ZNF280D: variants seen among roughly 807,000 people sequenced by gnomAD.
The protein encoded by ZNF280D is zinc finger protein 280D.
Under a neutral mutation model 94.7 loss-of-function variants are expected in ZNF280D, and 39 were observed. That is an observed-to-expected ratio of 0.41 (90% CI 0.32 to 0.54). ZNF280D has a LOEUF of 0.54. Among genes scored for constraint, ZNF280D ranks in the 20% least tolerant of loss-of-function variants. The probability of loss-of-function intolerance (pLI) is 0.22; values close to 1 mark genes in which losing one functional copy is unlikely to be tolerated. For synonymous variants in ZNF280D, 398 were observed against 377.6 expected (o/e 1.05, Z -0.63); for missense variants, 1,090 against 1,149.3 (o/e 0.95, Z 0.75).
intron 20 of ZNF280D, among the ~76,000 whole-genome samples, chr15:56,640,075 A>G (rs2052554054): frequency 6.6e-6 from 1 of 152,158 alleles, no homozygotes; most frequent in African/African-American, 2.4e-5. Flanking sequence ...TAAACAAACG[A>G]GTAAAAAAGA....
chr15:56,675,551 A>G (rs1401606555), intron 13 of ZNF280D, among the ~76,000 whole-genome samples: 1 of 151,924 alleles, frequency 6.6e-6, no homozygotes, highest in African/African-American at 2.4e-5. Context: ...GACTTGAGAG[A>G]TTTACAGGTA....
At chr15:56,711,331 C>T (rs1353923697) in intron 1 of ZNF280D, among the ~76,000 whole-genome samples, 2 of 152,110 alleles carry the variant, frequency 1.3e-5, no homozygotes, top group Admixed American at 6.6e-5. Context: ...AACCACTCAA[C>T]GATGTTTAAC....
chr15:56,648,530 T>A (rs969494152), intron 19 of ZNF280D, among the ~76,000 whole-genome samples: 2 of 151,982 alleles, frequency 1.3e-5, no homozygotes, highest in African/African-American at 4.8e-5. Flanking sequence ...TAGAGGATAC[T>A]ACTGAGTAGT....
intron 3 of ZNF280D, among the ~76,000 whole-genome samples, chr15:56,705,722 A>T (rs2057362248): frequency 6.6e-6 from 1 of 152,140 alleles, no homozygotes; most frequent in Non-Finnish European, 1.5e-5. Context: ...CTGATAATCA[A>T]TATCATGCAA....
At chr15:56,676,625 T>A in intron 13 of ZNF280D, 45 bp downstream of exon 13, 1 of 1,512,032 alleles carries the variant, frequency 6.6e-7, no homozygotes, top group Non-Finnish European at 8.9e-7. Context: ...ATCAGTTTTT[T>A]CACTAAGACA....
At chr15:56,662,392 C>T (rs1314686131) in intron 16 of ZNF280D, among the ~76,000 whole-genome samples, 1 of 152,172 alleles carries the variant, frequency 6.6e-6, no homozygotes, top group African/African-American at 2.4e-5. Context: ...ACACCTTCTT[C>T]TGAGATTTTA....
At position 56,707,095 on chromosome 15, in the gene ZNF280D, AG is replaced by A. The variant is rs1361436839; in HGVS notation, c.14del (p.Pro5LeufsTer29). 2 of 1,613,894 alleles carry A rather than the reference AG, an allele frequency of 1.2e-6. No homozygotes were observed. The highest frequency in any genetic ancestry group is 1.7e-5 in the Admixed American group (1 of 60,026). The stretch of plus-strand genomic sequence containing the variant: ...AGCAACACTTACTTTTTGGTTGAAA[AG>A]GGTTGTCGCCCATCAAGCTGCAGAG... Reference protein sequence around the residue: MGDNPFQPKSNSKMA... With the variant: MGDNXFQPKSNSKMA... On this transcript the variant is annotated frameshift_variant, in exon 3 of 22. Coordinates refer to ENST00000267807, the MANE Select transcript of ZNF280D (RefSeq NM_017661.4). LOFTEE classifies it high-confidence loss of function.
intron 20 of ZNF280D, among the ~76,000 whole-genome samples, chr15:56,641,159 A>C (rs1371800862): frequency 6.6e-6 from 1 of 151,912 alleles, no homozygotes; most frequent in Non-Finnish European, 1.5e-5. Context: ...TTTTTCATTT[A>C]TTTTAAAATT....
chr15:56,691,191 C>A lies in ZNF280D; in HGVS notation c.500-1721G>T, dbSNP rs540094733. ...GGGGAAAAATATAATAATAGATTAA[C>A]CTGTCAGCTTTTTAATAAGGGCAAA... On this transcript the variant is annotated intron_variant, in intron 7 of 21. Coordinates refer to ENST00000267807, the MANE Select transcript of ZNF280D (RefSeq NM_017661.4). Among the ~76,000 whole-genome samples, 3 of 152,138 alleles carry A rather than the reference C, an allele frequency of 2.0e-5. No homozygotes were observed. In the South Asian group the frequency reaches 6.2e-4, roughly 32 times the overall value.
At chr15:56,666,658 A>G (rs757060252) in intron 15 of ZNF280D, 21 bp downstream of exon 15, 1 of 1,561,732 alleles carries the variant, frequency 6.4e-7, no homozygotes, top group South Asian at 1.2e-5. Flanking sequence ...ATTATATTGT[A>G]TATCAGGAAT....
chr15:56,694,442 G>A (rs1338879599), intron 6 of ZNF280D, among the ~76,000 whole-genome samples: 2 of 151,852 alleles, frequency 1.3e-5, no homozygotes, highest in East Asian at 1.9e-4. Flanking sequence ...TACATAACAA[G>A]CGGATTAACA....
chr15:56,633,007 G>T (rs1430355038), intron 21 of ZNF280D, among the ~76,000 whole-genome samples: 1 of 151,754 alleles, frequency 6.6e-6, no homozygotes, highest in African/African-American at 2.4e-5. Context: ...GTTTCTTCTG[G>T]CCCTGAAGTG....
At chr15:56,665,890 C>T (rs1371308188) in intron 16 of ZNF280D, among the ~76,000 whole-genome samples, 1 of 152,140 alleles carries the variant, frequency 6.6e-6, no homozygotes, top group Admixed American at 6.6e-5. Flanking sequence ...AATCCCAGCA[C>T]TTTGGGAGGC....
At chr15:56,710,819 C>G (rs183276361) in intron 1 of ZNF280D, among the ~76,000 whole-genome samples, 2 of 152,164 alleles carry the variant, frequency 1.3e-5, no homozygotes, top group African/African-American at 4.8e-5. Flanking sequence ...ACTATGGACA[C>G]AGGTGTGCTA....
chr15:56,700,623 T>A, intron 6 of ZNF280D: 1 of 1,263,278 alleles, frequency 7.9e-7, no homozygotes, highest in Middle Eastern at 2.4e-4. Flanking sequence ...GTCTGCAATC[T>A]TAAATATTTG....
At chr15:56,722,294 A>T (rs1252829049) in intron 1 of ZNF280D, among the ~76,000 whole-genome samples, 1 of 152,226 alleles carries the variant, frequency 6.6e-6, no homozygotes, top group Non-Finnish European at 1.5e-5. Flanking sequence ...TGTGACAGAG[A>T]CAAGAAGTGC....
At chr15:56,667,940 T>C (rs1178201239) in intron 14 of ZNF280D, 4 of 197,974 alleles carry the variant, frequency 2.0e-5, no homozygotes, top group Non-Finnish European at 4.2e-5. Flanking sequence ...AGTATCATTA[T>C]CATTAATATT....
intron 7 of ZNF280D, 41 bp from the exon 8 acceptor site, chr15:56,689,511 T>A: frequency 8.4e-7 from 1 of 1,196,260 alleles, no homozygotes; most frequent in Non-Finnish European, 1.1e-6. Context: ...TTTTTAAAAT[T>A]AGAATATTAT....
At chr15:56,696,046 A>G (rs1273175720) in intron 6 of ZNF280D, among the ~76,000 whole-genome samples, 1 of 152,206 alleles carries the variant, frequency 6.6e-6, no homozygotes, top group Non-Finnish European at 1.5e-5. Context: ...TAACTTTTCT[A>G]TTGACATGGG....
Sources: allele counts gnomAD v4.1 joint callset (sites outside exome capture counted in the v4.1 genomes callset), GRCh38; gene constraint gnomAD v4.1.1; transcripts MANE v1.5; gene names NCBI Gene and HGNC (gene_info 2026-07-23, HGNC 2026-07-21).